The following IL1RN variants were observed in gnomAD, a reference collection of about 807,000 sequenced individuals.
The protein encoded by IL1RN is interleukin-1 receptor antagonist protein.
IL1RN carries 10 observed loss-of-function variants against 13.7 expected under a neutral mutation model. The ratio of observed to expected loss-of-function variants is 0.73; its 90% CI spans 0.45 to 1.24. IL1RN has a LOEUF of 1.24. Among genes scored for constraint, IL1RN ranks in the 50% most tolerant of loss-of-function variants. The pLI is 0.00. For missense variants in IL1RN, 213 were observed against 222.1 expected, an observed-to-expected ratio of 0.96 and a Z score of 0.26; for synonymous variants, 102 against 82.7, an observed-to-expected ratio of 1.23 and a Z score of -1.27.
At chr2:113,115,229 C>T (rs565400345), upstream of IL1RN, among the ~76,000 whole-genome samples, 14 of 152,124 alleles carry the variant, frequency 9.2e-5, no homozygotes, top group Non-Finnish European at 1.6e-4. Context: ...GCAGGATGCA[C>T]CTCTCCCCTG....
chr2:113,104,011 T>C (rs1462620293), upstream of IL1RN, among the ~76,000 whole-genome samples: 1 of 151,862 alleles, frequency 6.6e-6, no homozygotes, highest in Non-Finnish European at 1.5e-5. Flanking sequence ...TTTTTTTTCT[T>C]AAACCAAATT....
At chr2:113,117,554 C>A (rs986664311), upstream of IL1RN, 2 of 192,788 alleles carry the variant, frequency 1.0e-5, no homozygotes, top group Non-Finnish European at 2.2e-5. Context: ...GGGACCTTGT[C>A]TGGCTTGTTC....
chr2:113,125,306 T>A (rs909800098), upstream of IL1RN, among the ~76,000 whole-genome samples: 8 of 152,386 alleles, frequency 5.2e-5, no homozygotes, highest in African/African-American at 1.9e-4. Context: ...CAGGTTCATA[T>A]ACATCATCTC....
At chr2:113,101,925 AC>A in the IL1RN span, among the ~76,000 whole-genome samples, 2 of 151,874 alleles carry the variant, frequency 1.3e-5, no homozygotes, top group African/African-American at 2.4e-5. Flanking sequence ...GCGTTATCAC[AC>A]CCGGCTAATT....
upstream of IL1RN, among the ~76,000 whole-genome samples, chr2:113,110,261 T>C (rs1268401325): frequency 6.6e-6 from 1 of 152,222 alleles, no homozygotes; most frequent in African/African-American, 2.4e-5. Flanking sequence ...CTCTGAAGCC[T>C]TTGAGGAAAC....
At chr2:113,113,702 G>A (rs1686541090), upstream of IL1RN, among the ~76,000 whole-genome samples, 1 of 152,148 alleles carries the variant, frequency 6.6e-6, no homozygotes. Flanking sequence ...CAAACTAATT[G>A]AGATGTAAAT....
At chr2:113,101,052 T>A in the IL1RN span, among the ~76,000 whole-genome samples, 1 of 152,290 alleles carries the variant, frequency 6.6e-6, no homozygotes, top group South Asian at 2.1e-4. Flanking sequence ...CAAAGAACAG[T>A]AAAGTTTTAG....
upstream of IL1RN, among the ~76,000 whole-genome samples, chr2:113,123,865 A>G (rs1253943380): frequency 1.3e-5 from 2 of 152,250 alleles, 1 homozygote; most frequent in Non-Finnish European, 2.9e-5. Context: ...AAAAGGAACC[A>G]AATGGAAATC....
chr2:113,120,125 A>G (rs201759499), exon 2 of IL1RN: 3 of 1,612,126 alleles, frequency 1.9e-6, no homozygotes, highest in Non-Finnish European at 1.7e-6. Context: ...TGCTGACTCA[A>G]AGGGTAAATT....
upstream of IL1RN, among the ~76,000 whole-genome samples, chr2:113,126,247 G>A (rs1230664621): frequency 6.6e-6 from 1 of 152,240 alleles, no homozygotes; most frequent in Non-Finnish European, 1.5e-5. Flanking sequence ...TCTTCCCAGA[G>A]TGTGATGAAT....
rs372847811 is a variant in IL1RN, at chr2:113,131,034, T to C, written c.206-11T>C. ...TCTATTAACCTGACCCTCCCCTCTG[T>C]TCTTCCCCAGAAAAGATAGATGTGG... On this transcript the variant is annotated splice_polypyrimidine_tract_variant and intron_variant, in intron 2 of 3. Transcript: ENST00000409930. 37 of 1,554,858 alleles carry C rather than the reference T, an allele frequency of 2.4e-5. No homozygotes were observed. The highest frequency in any genetic ancestry group is 3.0e-5 in the Non-Finnish European group (34 of 1,125,886).
chr2:113,128,386 G>A (rs1687040422), intron 1 of IL1RN, among the ~76,000 whole-genome samples: 1 of 152,342 alleles, frequency 6.6e-6, no homozygotes, highest in East Asian at 1.9e-4. Flanking sequence ...GCCCTCTGCA[G>A]TGTGACATTC....
chr2:113,119,592 A>C (rs551693526), intron 1 of IL1RN, among the ~76,000 whole-genome samples: 2 of 152,176 alleles, frequency 1.3e-5, no homozygotes, highest in South Asian at 4.1e-4. Context: ...CCATGGTCTT[A>C]TGTGTTTTTC....
chr2:113,119,943 C>A, intron 1 of IL1RN: 1 of 794,242 alleles, frequency 1.3e-6, no homozygotes, highest in Non-Finnish European at 2.2e-6. Flanking sequence ...AGGGTGAGAA[C>A]AGAGGGTAAA....
upstream of IL1RN, among the ~76,000 whole-genome samples, chr2:113,108,808 A>G (rs576466615): frequency 3.9e-5 from 6 of 152,358 alleles, no homozygotes; most frequent in African/African-American, 7.2e-5. Context: ...GTGGGGTTAG[A>G]AAAAGGGCAG....
chr2:113,131,437 A>G (rs1687166753), intron 3 of IL1RN, among the ~76,000 whole-genome samples: 1 of 152,170 alleles, frequency 6.6e-6, no homozygotes, highest in African/African-American at 2.4e-5. Flanking sequence ...GCTGACTTCC[A>G]AAAGGGATTA....
chr2:113,129,475 G>A (rs1687081579), intron 1 of IL1RN, 101 bp from the exon 2 acceptor site: 1 of 790,114 alleles, frequency 1.3e-6, no homozygotes, highest in Admixed American at 1.7e-5. Context: ...TGGAAGAGCT[G>A]GATGCAAATT....
chr2:113,100,404 G>A, the IL1RN span, among the ~76,000 whole-genome samples: 25 of 151,884 alleles, frequency 1.6e-4, no homozygotes, highest in African/African-American at 6.0e-4. Flanking sequence ...ACAGGTACTA[G>A]CTGAGCCTTG....
chr2:113,099,728 CTTTTTTT>C, the IL1RN span, among the ~76,000 whole-genome samples: 4 of 41,472 alleles, frequency 9.6e-5, no homozygotes, highest in African/African-American at 1.2e-4. Flanking sequence ...TCTTTCTTTT[CTTTTTTT>C]TTTTTTTTTT....
Sources: gnomAD v4.1 joint callset for allele counts (sites outside exome capture counted in the v4.1 genomes callset) on GRCh38, gnomAD v4.1.1 for gene constraint, MANE v1.5 for transcripts, NCBI Gene and HGNC (gene_info 2026-07-23, HGNC 2026-07-21) for gene names.